The following WDR59 variants were observed in gnomAD, a reference collection of about 807,000 sequenced individuals.
WDR59 encodes the protein WD repeat domain 59, also known as GATOR2 complex protein WDR59.
Under a neutral mutation model 131.2 loss-of-function variants are expected in WDR59, and 100 were observed. The ratio of observed to expected loss-of-function variants is 0.76; its 90% confidence interval spans 0.65 to 0.90. The LOEUF (loss-of-function observed/expected upper bound fraction) is 0.90. Ranked by LOEUF, WDR59 falls within the 40% of genes least tolerant of loss-of-function variation. WDR59 has a pLI of 0.00. For synonymous variants in WDR59, 601 were observed against 466.2 expected (o/e 1.29, Z -3.72); for missense variants, 1,203 against 1,262.2 (o/e 0.95, Z 0.71).
At position 74,938,178 on chromosome 16, in the gene WDR59, G is replaced by A. The variant is rs1426045885; in HGVS notation, c.623C>T (p.Ala208Val). The A allele has an allele frequency of 1.3e-6, 2 of 1,575,820 alleles. No homozygotes were observed. Among genetic ancestry groups the A allele is most frequent in the African/African-American group, 2.7e-5 (2 of 73,146 alleles). The stretch of plus-strand genomic sequence containing the variant: ...CACAGAATTGTCTTGACTGGAGGTA[G>A]CAAGAATGTGCTCGCTGTCTGGGTG... ...DWHPDSEHIL[A>V]TSSQDNSVKF... is the part of the protein sequence containing the mutation. The change falls in exon 8 of 26, where the codon GCT becomes GTT. Residue 208 changes from alanine to valine, a missense_variant. Transcript: ENST00000262144.
chr16:74,978,744 C>T (rs986733324), intron 1 of WDR59, among the ~76,000 whole-genome samples: 3 of 151,712 alleles, frequency 2.0e-5, no homozygotes, highest in Non-Finnish European at 4.4e-5. Flanking sequence ...CCTGCATAAA[C>T]CTGGATTTTT....
intron 10 of WDR59, among the ~76,000 whole-genome samples, chr16:74,919,169 T>C (rs934076193): frequency 6.6e-6 from 1 of 152,152 alleles, no homozygotes; most frequent in African/African-American, 2.4e-5. Context: ...ATCTTCTCCC[T>C]GCCTTCCAAC....
intron 17 of WDR59, among the ~76,000 whole-genome samples, chr16:74,906,040 C>T (rs1004536344): frequency 2.0e-5 from 3 of 151,878 alleles, no homozygotes; most frequent in Non-Finnish European, 4.4e-5. Flanking sequence ...GACGGCCGGG[C>T]GCGGTGGCTC....
At chr16:74,927,970 C>A (rs77726355) in intron 8 of WDR59, among the ~76,000 whole-genome samples, 1 of 139,368 alleles carries the variant, frequency 7.2e-6, no homozygotes, top group Admixed American at 7.4e-5. Context: ...TGCAGTAGCG[C>A]GATCTCGGCT....
chr16:74,898,278 C>T (rs1965386125), intron 18 of WDR59, among the ~76,000 whole-genome samples: 1 of 152,118 alleles, frequency 6.6e-6, no homozygotes, highest in Non-Finnish European at 1.5e-5. Context: ...CCTGATCCTC[C>T]TGCATTGCTC....
rs1029167734 is a variant in WDR59, at chr16:74,872,600, G to C, written c.*1609C>G. 1 of 150,462 alleles carries C rather than the reference G, an allele frequency of 6.6e-6. No homozygotes were observed. Among genetic ancestry groups the C allele is most frequent in the Non-Finnish European group, 1.5e-5 (1 of 67,536 alleles). 9.3% of individuals were successfully genotyped at this position (150,462 alleles called of 1,614,324 possible). ...AAAAAAAAAATTTAACTTTAAAAAA[G>C]AAAATCATTCTGAAGAATTGGTGGA... On this transcript the variant is annotated 3_prime_UTR_variant, in exon 26 of 26. Coordinates refer to ENST00000262144, the MANE Select transcript of WDR59 (RefSeq NM_030581.4).
At position 74,971,803 on chromosome 16, in the gene WDR59, G is replaced by A. The variant is rs1384741917; in HGVS notation, c.55-5981C>T. On this transcript the variant is annotated intron_variant, in intron 1 of 25. Coordinates refer to ENST00000262144, the MANE Select transcript of WDR59 (RefSeq NM_030581.4). ...TACTCACTGTAACCCCAAACTTCTG[G>A]GCTCAAGTGATTAACCTGCCTCAGG... is the stretch of plus-strand genomic sequence containing the variant. Among the ~76,000 whole-genome samples the A allele has an allele frequency of 2.6e-5, 4 of 152,220 alleles. 1 individual carries two copies. In the East Asian group the frequency reaches 5.8e-4, roughly 22 times the overall value.
chr16:74,964,532 T>C (rs1174028678), intron 2 of WDR59, among the ~76,000 whole-genome samples: 1 of 152,190 alleles, frequency 6.6e-6, no homozygotes, highest in Non-Finnish European at 1.5e-5. Context: ...TCATTGTATA[T>C]CCTTCTGAAA....
intron 25 of WDR59, among the ~76,000 whole-genome samples, chr16:74,878,960 T>G (rs571401257): frequency 6.6e-6 from 1 of 152,334 alleles, no homozygotes; most frequent in East Asian, 1.9e-4. Flanking sequence ...AATAGAAACT[T>G]AGAGAAAACA....
intron 20 of WDR59, among the ~76,000 whole-genome samples, chr16:74,892,057 C>T (rs2144827246): frequency 6.6e-6 from 1 of 152,206 alleles, no homozygotes; most frequent in East Asian, 1.9e-4. Flanking sequence ...TGATATGTTG[C>T]TGCAAAGATG....
chr16:74,981,647 TA>T (rs1567450863), intron 1 of WDR59, among the ~76,000 whole-genome samples: 110 of 7,504 alleles, frequency 0.015, 5 homozygotes, highest in South Asian at 0.032. Context: ...TATATATATA[TA>T]TATATATATA....
At chr16:74,952,831 T>C (rs1200571574) in intron 3 of WDR59, among the ~76,000 whole-genome samples, 1 of 151,936 alleles carries the variant, frequency 6.6e-6, no homozygotes, top group South Asian at 2.1e-4. Flanking sequence ...GACAGACGTA[T>C]AAAATTCTGA....
intron 1 of WDR59, among the ~76,000 whole-genome samples, chr16:74,967,554 C>G (rs917245064): frequency 2.0e-5 from 3 of 152,126 alleles, no homozygotes; most frequent in African/African-American, 7.2e-5. Flanking sequence ...AGGTCCCAAT[C>G]AATTGACCTT....
intron 2 of WDR59, among the ~76,000 whole-genome samples, chr16:74,963,647 C>A (rs1356079439): frequency 3.3e-5 from 5 of 152,062 alleles, no homozygotes; most frequent in African/African-American, 1.2e-4. Context: ...GGGCTTAATA[C>A]CTAGGTGATG....
At chr16:74,960,493 C>A (rs4888321) in intron 2 of WDR59, among the ~76,000 whole-genome samples, 17,425 of 151,676 alleles carry the variant, frequency 0.11, 1,276 homozygotes, top group African/African-American at 0.2. Flanking sequence ...ATCTGTAATC[C>A]CAGCACTTTG....
intron 1 of WDR59, chr16:74,984,690 C>G (rs1382908568): frequency 5.7e-6 from 3 of 522,354 alleles, no homozygotes. Flanking sequence ...CCTCAGCACT[C>G]ACGATGCGCA....
At chr16:74,907,803 G>A (rs1965891092) in intron 17 of WDR59, among the ~76,000 whole-genome samples, 2 of 152,302 alleles carry the variant, frequency 1.3e-5, no homozygotes, top group South Asian at 2.1e-4. Flanking sequence ...ACCAGGTGGT[G>A]TTTTAAACAT....
chr16:74,945,963 ATG>A (rs2032605966), intron 6 of WDR59, among the ~76,000 whole-genome samples: 1 of 151,804 alleles, frequency 6.6e-6, no homozygotes, highest in Non-Finnish European at 1.5e-5. Context: ...GATTACAGGC[ATG>A]CACCACCACG....
chr16:74,953,599 G>C (rs912371176), intron 3 of WDR59, among the ~76,000 whole-genome samples: 2 of 151,950 alleles, frequency 1.3e-5, no homozygotes, highest in African/African-American at 2.4e-5. Context: ...ATCAACAAAA[G>C]GGAAGAAAAC....
Sources: gnomAD v4.1 joint callset for allele counts (sites outside exome capture counted in the v4.1 genomes callset) on GRCh38, gnomAD v4.1.1 for gene constraint, MANE v1.5 for transcripts, NCBI Gene and HGNC (gene_info 2026-07-23, HGNC 2026-07-21) for gene names.